The following TGFBR3 variants were observed in gnomAD, a reference collection of about 807,000 sequenced individuals.
TGFBR3 encodes the protein transforming growth factor beta receptor type 3.
TGFBR3 carries 46 observed loss-of-function variants against 87.9 expected under a neutral mutation model. The observed-to-expected ratio is 0.52, with a 90% confidence interval of 0.41 to 0.67. The LOEUF (loss-of-function observed/expected upper bound fraction) is 0.67. TGFBR3 is among the 30% of genes least tolerant of loss of function. The pLI is 0.00. For missense variants in TGFBR3, 866 were observed against 1,041.9 expected, an observed-to-expected ratio of 0.83 and a Z score of 2.32; for synonymous variants, 381 against 391.6, an observed-to-expected ratio of 0.97 and a Z score of 0.32.
chr1:91,844,239 C>A (rs1677394350), intron 2 of TGFBR3, among the ~76,000 whole-genome samples: 1 of 152,172 alleles, frequency 6.6e-6, no homozygotes, highest in African/African-American at 2.4e-5. Context: ...TTAGCAATAG[C>A]CTTAGTTACA....
In TGFBR3 at chr1:91,758,625, G is replaced by C; in HGVS notation, c.372C>G (p.Ser124=). Residue 124 remains serine (S), a synonymous_variant, in exon 4 of 17, where the codon TCC becomes TCG. Coordinates refer to ENST00000212355, the MANE Select transcript of TGFBR3 (RefSeq NM_003243.5). ...TTTAAGCACTTACCAAAAACAGTCT[G>C]GAGACCCCAGTGGCAAGTCTCTCTG... The part of the protein sequence containing the change: ...LKTERLATGV[S]RLFLVSEGSV... 1 of 1,613,958 alleles carries C rather than the reference G, an allele frequency of 6.2e-7. No homozygotes were observed. Among genetic ancestry groups the C allele is most frequent in the South Asian group, 1.1e-5 (1 of 91,064 alleles).
chr1:91,741,722 G>A (rs955692157), intron 4 of TGFBR3, among the ~76,000 whole-genome samples: 6 of 152,072 alleles, frequency 3.9e-5, no homozygotes, highest in Non-Finnish European at 8.8e-5. Context: ...GCCAGAGGAG[G>A]AGACTATTTA....
intron 1 of TGFBR3, among the ~76,000 whole-genome samples, chr1:91,865,649 A>G (rs1187050210): frequency 2.6e-5 from 4 of 151,270 alleles, no homozygotes; most frequent in African/African-American, 9.7e-5. Flanking sequence ...GCGGTGGCTC[A>G]CGCCTGTAAT....
chr1:91,798,097 C>A lies in TGFBR3; in HGVS notation c.62-626G>T, dbSNP rs576265399. On this transcript the variant is annotated intron_variant, in intron 2 of 16. Transcript: ENST00000212355. ...CATACTTGGTTCCTGCTTCTTCATT[C>A]CCTCTTCCTCTAATCAGTCAAGCCT... is the stretch of plus-strand genomic sequence containing the variant. Among the ~76,000 whole-genome samples, 3 of 152,254 alleles carry A rather than the reference C, an allele frequency of 2.0e-5. No individual in the cohort carries two copies. In the East Asian group the frequency reaches 5.8e-4, roughly 29 times the overall value.
intron 14 of TGFBR3, among the ~76,000 whole-genome samples, chr1:91,705,307 C>G (rs1166303231): frequency 6.6e-6 from 1 of 151,378 alleles, no homozygotes; most frequent in Non-Finnish European, 1.5e-5. Flanking sequence ...TCACTGCAAC[C>G]TCTGCTTCCC....
intron 1 of TGFBR3, among the ~76,000 whole-genome samples, chr1:91,880,932 A>G (rs1178068556): frequency 6.6e-6 from 1 of 150,532 alleles, no homozygotes; most frequent in Non-Finnish European, 1.5e-5. Flanking sequence ...CATATTTTAT[A>G]TGAATAAGTA....
chr1:91,719,727 A>G (rs1672294533), intron 9 of TGFBR3, among the ~76,000 whole-genome samples, 166 bp downstream of exon 9: 1 of 152,168 alleles, frequency 6.6e-6, no homozygotes, highest in Non-Finnish European at 1.5e-5. Context: ...AACAGGAACC[A>G]GGTGAGAATC....
intron 4 of TGFBR3, among the ~76,000 whole-genome samples, chr1:91,752,592 C>G (rs1673585427): frequency 6.6e-6 from 1 of 152,048 alleles, no homozygotes; most frequent in African/African-American, 2.4e-5. Context: ...GGCCTCTGGA[C>G]TAGGTATTTT....
intron 4 of TGFBR3, among the ~76,000 whole-genome samples, chr1:91,752,890 G>T (rs1206654135): frequency 6.6e-6 from 1 of 151,798 alleles, no homozygotes. Context: ...AGCTGGGTGT[G>T]GGGGTACATG....
intron 2 of TGFBR3, among the ~76,000 whole-genome samples, chr1:91,851,936 A>G (rs981677978): frequency 2.6e-5 from 4 of 152,210 alleles, no homozygotes; most frequent in African/African-American, 4.8e-5. Flanking sequence ...CCAACTAGCT[A>G]TTAGTAAACT....
chr1:91,785,626 A>T (rs1182339587), intron 3 of TGFBR3, among the ~76,000 whole-genome samples: 2 of 151,936 alleles, frequency 1.3e-5, no homozygotes, highest in Non-Finnish European at 2.9e-5. Context: ...CCTGGCGCCC[A>T]CTCTGTGTAT....
At chr1:91,704,371 A>C (rs1671723685) in intron 14 of TGFBR3, among the ~76,000 whole-genome samples, 1 of 151,714 alleles carries the variant, frequency 6.6e-6, no homozygotes. Context: ...AAAAGGGAGA[A>C]GTGGGGCAGG....
chr1:91,751,562 C>T (rs1464537987), intron 4 of TGFBR3, among the ~76,000 whole-genome samples: 2 of 152,002 alleles, frequency 1.3e-5, no homozygotes, highest in African/African-American at 4.8e-5. Context: ...GTCATCCAAA[C>T]TCCAGTGCAG....
At position 91,683,366 on chromosome 1, in the gene TGFBR3, T is replaced by A. The variant is rs1194758047; in HGVS notation, c.*373A>T. ...TGGCTATTAACCCTTTACCAACTCC[T>A]TGAGTCTGGGTAAAACTCAGGGCCC... On this transcript the variant is annotated 3_prime_UTR_variant, in exon 17 of 17. Coordinates refer to ENST00000212355, the MANE Select transcript of TGFBR3 (RefSeq NM_003243.5). 1 of 492,946 alleles carries A rather than the reference T, an allele frequency of 2.0e-6. No homozygotes were observed. Among genetic ancestry groups the A allele is most frequent in the South Asian group, 1.5e-5 (1 of 64,800 alleles). The allele number at this position is 492,946 out of a possible 1,614,324, so 30.5% of individuals were successfully genotyped here.
At chr1:91,818,829 T>C (rs1676341425) in intron 2 of TGFBR3, among the ~76,000 whole-genome samples, 1 of 152,190 alleles carries the variant, frequency 6.6e-6, no homozygotes, top group Non-Finnish European at 1.5e-5. Flanking sequence ...CTATTACAAG[T>C]TTTAGAGTTT....
At chr1:91,859,162 C>T (rs1404213663) in intron 2 of TGFBR3, among the ~76,000 whole-genome samples, 1 of 152,010 alleles carries the variant, frequency 6.6e-6, no homozygotes, top group Non-Finnish European at 1.5e-5. Context: ...TATATTTTCC[C>T]AAAGGCTTCA....
chr1:91,753,295 C>A (rs933400971), intron 4 of TGFBR3, among the ~76,000 whole-genome samples: 2 of 143,088 alleles, frequency 1.4e-5, no homozygotes, highest in African/African-American at 5.2e-5. Flanking sequence ...GAGGCTGAGG[C>A]AGGAGGATCG....
intron 2 of TGFBR3, among the ~76,000 whole-genome samples, chr1:91,892,363 C>T (rs1443619229): frequency 2.6e-5 from 4 of 152,000 alleles, no homozygotes; most frequent in African/African-American, 9.7e-5. Context: ...ACTAGCCCCA[C>T]CTCTTTTGTT....
At chr1:91,815,337 A>AAAATG (rs1676183033) in intron 2 of TGFBR3, among the ~76,000 whole-genome samples, 1 of 151,474 alleles carries the variant, frequency 6.6e-6, no homozygotes, top group Non-Finnish European at 1.5e-5. Context: ...AAAATAAAAT[A>AAAATG]AAATAGGGAT....
Sources: allele counts gnomAD v4.1 joint callset (sites outside exome capture counted in the v4.1 genomes callset), GRCh38; gene constraint gnomAD v4.1.1; transcripts MANE v1.5; gene names NCBI Gene and HGNC (gene_info 2026-07-23, HGNC 2026-07-21).